TMEM263: variants seen among roughly 807,000 people sequenced by gnomAD.
TMEM263 encodes the protein UPF0444 transmembrane protein C12orf23.
A neutral mutation model predicts 8.6 loss-of-function variants in TMEM263; 5 were observed. The ratio of observed to expected loss-of-function variants is 0.58; its 90% CI spans 0.31 to 1.23. The LOEUF is 1.23. Among genes scored for constraint, TMEM263 ranks in the 50% most tolerant of loss-of-function variants. TMEM263 has a pLI of 0.07. For missense variants in TMEM263, 104 were observed against 138.8 expected (o/e 0.75, Z 1.26); for synonymous variants, 50 against 47.9 (o/e 1.04, Z -0.18).
intron 2 of TMEM263, among the ~76,000 whole-genome samples, chr12:106,962,447 C>T (rs1951791484): frequency 6.6e-6 from 1 of 152,182 alleles, no homozygotes. Context: ...AGGCTGTACT[C>T]ATTTGTTCAT....
At position 106,972,422 on chromosome 12, in the gene TMEM263, T is replaced by C. The variant is rs748415617; in HGVS notation, c.*1031T>C. The C allele has an allele frequency of 1.2e-4, 18 of 152,210 alleles. No individual in the cohort carries two copies. The highest frequency in any genetic ancestry group is 8.5e-4 in the Admixed American group (13 of 15,286). The allele number at this position is 152,210 out of a possible 1,614,324, so 9.4% of individuals were successfully genotyped here. A position where few individuals can be genotyped will look rare whatever the true frequency, so the allele number is the denominator to read the frequency against. ...AGCAGTACTCCTTTTTTAAAAACAC[T>C]GTAAAAGTAACCACAAATATGTGAG... On this transcript the variant is annotated 3_prime_UTR_variant, in exon 4 of 4. Transcript: ENST00000280756.
At chr12:106,968,621 C>T (rs991908850) in intron 3 of TMEM263, among the ~76,000 whole-genome samples, 1 of 152,210 alleles carries the variant, frequency 6.6e-6, no homozygotes, top group Non-Finnish European at 1.5e-5. Context: ...GAATGTCTTT[C>T]TATGCCAACC....
intron 3 of TMEM263, among the ~76,000 whole-genome samples, chr12:106,970,044 A>G (rs1442015567): frequency 1.3e-5 from 2 of 152,186 alleles, no homozygotes; most frequent in Non-Finnish European, 2.9e-5. Flanking sequence ...AACCATATCT[A>G]TAGTTTCTCT....
chr12:106,956,231 G>GT (rs1951687678), intron 1 of TMEM263, among the ~76,000 whole-genome samples, 166 bp downstream of exon 1: 1 of 152,246 alleles, frequency 6.6e-6, no homozygotes, highest in Non-Finnish European at 1.5e-5. Flanking sequence ...GCGGGACGAA[G>GT]TTGGGGGCGG....
chr12:106,970,239 A>G (rs1420390864), intron 3 of TMEM263, among the ~76,000 whole-genome samples: 4 of 152,222 alleles, frequency 2.6e-5, no homozygotes. Flanking sequence ...GGATGCCTTT[A>G]CAATGTCAAA....
At chr12:106,962,854 C>CA (rs1321240559) in intron 2 of TMEM263, among the ~76,000 whole-genome samples, 2 of 152,144 alleles carry the variant, frequency 1.3e-5, no homozygotes, top group South Asian at 2.1e-4. Context: ...CTACTTCTGA[C>CA]AAAAAATTCA....
chr12:106,967,239 GT>G lies in TMEM263; in HGVS notation c.64+64del, dbSNP rs767732010. The G allele has an allele frequency of 1.5e-5, 16 of 1,071,574 alleles. No homozygotes were observed. In the East Asian group the frequency reaches 4.1e-4, roughly 28 times the overall value. 66.4% of individuals were successfully genotyped at this position (1,071,574 alleles called of 1,614,324 possible). ...AATATACTGAATTAAAGTTCTGATA[GT>G]TTTTATTTTTTACTTATTTTATTTT... is the stretch of plus-strand genomic sequence containing the variant. On this transcript the variant is annotated intron_variant, in intron 3 of 3. Transcript: ENST00000280756.
chr12:106,958,782 T>A (rs1951732519), intron 2 of TMEM263, among the ~76,000 whole-genome samples: 1 of 152,244 alleles, frequency 6.6e-6, no homozygotes, highest in African/African-American at 2.4e-5. Context: ...TGTGTTGTTT[T>A]GTTTTTTTGG....
intron 3 of TMEM263, among the ~76,000 whole-genome samples, chr12:106,969,567 AT>A (rs1951890721): frequency 6.6e-6 from 1 of 152,066 alleles, no homozygotes. Flanking sequence ...TCTACTAAAA[AT>A]ACAAAAAATT....
intron 2 of TMEM263, among the ~76,000 whole-genome samples, chr12:106,963,242 A>G (rs1309194831): frequency 6.6e-6 from 1 of 152,234 alleles, no homozygotes; most frequent in Non-Finnish European, 1.5e-5. Context: ...TCTAAGCAAA[A>G]TAGGAAGCAG....
intron 2 of TMEM263, among the ~76,000 whole-genome samples, chr12:106,962,428 C>A (rs1240958340): frequency 6.6e-6 from 1 of 152,180 alleles, no homozygotes; most frequent in African/African-American, 2.4e-5. Context: ...TCCTCTCTTG[C>A]GTTCCATGAG....
intron 3 of TMEM263, 93 bp from the exon 4 acceptor site, chr12:106,971,012 G>T: frequency 7.5e-7 from 1 of 1,339,266 alleles, no homozygotes; most frequent in Non-Finnish European, 1.0e-6. Flanking sequence ...ACCTCCTGTT[G>T]TGAGGAAGTC....
chr12:106,971,039 T>C, intron 3 of TMEM263, 66 bp from the exon 4 acceptor site: 5 of 1,531,600 alleles, frequency 3.3e-6, no homozygotes, highest in Non-Finnish European at 4.5e-6. Context: ...TACTTAATGA[T>C]GTGTACTGCT....
chr12:106,957,788 TACAA>T (rs1216361149), intron 2 of TMEM263, among the ~76,000 whole-genome samples: 19 of 152,232 alleles, frequency 1.2e-4, no homozygotes, highest in African/African-American at 4.3e-4. Context: ...AGTGGGCACT[TACAA>T]GTTTTACTGG....
intron 2 of TMEM263, among the ~76,000 whole-genome samples, chr12:106,964,372 C>T: frequency 6.6e-6 from 1 of 152,162 alleles, no homozygotes; most frequent in East Asian, 1.9e-4. Context: ...GGCACTCTGA[C>T]CCCAAAGCCT....
At chr12:106,964,186 T>C (rs1420511248) in intron 2 of TMEM263, among the ~76,000 whole-genome samples, 1 of 152,222 alleles carries the variant, frequency 6.6e-6, no homozygotes, top group Non-Finnish European at 1.5e-5. Flanking sequence ...GACACACATA[T>C]TCTACCAGGA....
chr12:106,963,976 C>T (rs1951812036), intron 2 of TMEM263, among the ~76,000 whole-genome samples: 1 of 152,028 alleles, frequency 6.6e-6, no homozygotes, highest in South Asian at 2.1e-4. Context: ...TATGTAATTT[C>T]CCATATTTCT....
chr12:106,964,574 G>C (rs1951819063), intron 2 of TMEM263, among the ~76,000 whole-genome samples: 1 of 152,180 alleles, frequency 6.6e-6, no homozygotes. Flanking sequence ...AGATTACTTA[G>C]CTTTACTATT....
At position 106,971,503 on chromosome 12, in the gene TMEM263, T is replaced by C; in HGVS notation, c.*112T>C. The C allele has an allele frequency of 8.9e-7, 1 of 1,127,454 alleles. No homozygotes were observed. The highest frequency in any genetic ancestry group is 1.7e-5 in the South Asian group (1 of 59,582). The allele number at this position is 1,127,454 out of a possible 1,614,324, so 69.8% of individuals were successfully genotyped here. A position where few individuals can be genotyped will look rare whatever the true frequency, so the allele number is the denominator to read the frequency against. On this transcript the variant is annotated 3_prime_UTR_variant, in exon 4 of 4. Coordinates refer to ENST00000280756, the MANE Select transcript of TMEM263 (RefSeq NM_152261.4). The stretch of plus-strand genomic sequence containing the variant: ...TTTGGACGTTTATCTTCTAAACTGC[T>C]GTGTTGAAAGTATTGATGACTGGCT...
Sources: gnomAD v4.1 joint callset for allele counts (sites outside exome capture counted in the v4.1 genomes callset) on GRCh38, gnomAD v4.1.1 for gene constraint, MANE v1.5 for transcripts, NCBI Gene and HGNC (gene_info 2026-07-23, HGNC 2026-07-21) for gene names.